The following ATP11A variants were observed in gnomAD, a reference collection of about 807,000 sequenced individuals.
The protein encoded by ATP11A is phospholipid-transporting ATPase IH.
A neutral mutation model predicts 154.4 loss-of-function variants in ATP11A; 81 were observed. The ratio of observed to expected loss-of-function variants is 0.52; its 90% CI spans 0.44 to 0.63. The LOEUF is 0.63. ATP11A is among the 30% of genes least tolerant of loss of function. ATP11A has a pLI of 0.00. For synonymous variants in ATP11A, 623 were observed against 585.9 expected (o/e 1.06, Z -0.91); for missense variants, 1,316 against 1,474.3 (o/e 0.89, Z 1.76).
At chr13:112,795,387 G>A (rs2140095309) in intron 2 of ATP11A, among the ~76,000 whole-genome samples, 1 of 152,314 alleles carries the variant, frequency 6.6e-6, no homozygotes, top group Admixed American at 6.5e-5. Flanking sequence ...CGTGTAACAT[G>A]GGAACTTTCA....
intron 5 of ATP11A, among the ~76,000 whole-genome samples, chr13:112,813,804 G>A (rs1431255696): frequency 3.3e-5 from 5 of 151,950 alleles, no homozygotes; most frequent in South Asian, 2.1e-4. Context: ...TGTCCCTGAC[G>A]GCTCTGTGGG....
intron 29 of ATP11A, among the ~76,000 whole-genome samples, chr13:112,879,837 G>A (rs750556571): frequency 2.6e-5 from 4 of 152,212 alleles, no homozygotes; most frequent in African/African-American, 7.2e-5. Flanking sequence ...CTGTTCCTAC[G>A]GAAAAGAAAA....
At chr13:112,877,479 C>T (rs1032903982) in intron 28 of ATP11A, among the ~76,000 whole-genome samples, 1 of 152,236 alleles carries the variant, frequency 6.6e-6, no homozygotes, top group African/African-American at 2.4e-5. Context: ...GGGGACGTGG[C>T]AGACACACAT....
chr13:112,733,050 C>T (rs904324252), intron 1 of ATP11A, among the ~76,000 whole-genome samples: 5 of 152,182 alleles, frequency 3.3e-5, no homozygotes, highest in African/African-American at 4.8e-5. Flanking sequence ...GATTTCTGTA[C>T]ATGTTTTTGT....
At chr13:112,809,523 C>T (rs1474539518) in intron 4 of ATP11A, among the ~76,000 whole-genome samples, 7 of 152,204 alleles carry the variant, frequency 4.6e-5, no homozygotes, top group African/African-American at 1.7e-4. Context: ...CACAGGCTTC[C>T]TGCCGCCATC....
chr13:112,876,066 A>G (rs1296255197), intron 28 of ATP11A, 125 bp downstream of exon 28: 4 of 1,080,868 alleles, frequency 3.7e-6, no homozygotes, highest in Non-Finnish European at 5.1e-6. Flanking sequence ...TTCAGGTATC[A>G]CTAATGAGTG....
chr13:112,859,306 C>A lies in ATP11A; in HGVS notation c.2668-87C>A. 1 of 1,055,430 alleles carries A rather than the reference C, an allele frequency of 9.5e-7. No individual in the cohort carries two copies. Among genetic ancestry groups the A allele is most frequent in the Non-Finnish European group, 1.5e-6 (1 of 671,238 alleles). 65.4% of individuals were successfully genotyped at this position (1,055,430 alleles called of 1,614,324 possible). ...CACGCTGGGTGCACGTGGATCCCTC[C>A]TCCCATGTGGGGTGGGCCACGTCGG... On this transcript the variant is annotated intron_variant, in intron 22 of 29. Transcript: ENST00000375645. This position sits in a 1 kb window ranked among gnomAD's most constrained non-coding sequence, Gnocchi z 4.3.
At chr13:112,879,902 C>A (rs1379640183) in intron 29 of ATP11A, among the ~76,000 whole-genome samples, 1 of 152,188 alleles carries the variant, frequency 6.6e-6, no homozygotes, top group African/African-American at 2.4e-5. Context: ...ACATATATGC[C>A]CGTGCTGGCA....
At chr13:112,749,172 C>T (rs1463211803) in intron 1 of ATP11A, among the ~76,000 whole-genome samples, 1 of 152,222 alleles carries the variant, frequency 6.6e-6, no homozygotes, top group Non-Finnish European at 1.5e-5. Flanking sequence ...ATGGATGCGC[C>T]TCCATCTCCG....
intron 1 of ATP11A, among the ~76,000 whole-genome samples, chr13:112,730,345 A>G (rs1445336275): frequency 6.6e-6 from 1 of 152,192 alleles, no homozygotes. Flanking sequence ...GAGGACGGGC[A>G]TTGATGAGGG....
Position 112,805,006 on chromosome 13 carries a change from G to A in ATP11A, c.212G>A (p.Arg71Lys). Residue 71 changes from arginine (R) to lysine (K), a missense_variant, in exon 3 of 30, where the codon AGA (arginine) becomes AAA (lysine). By Grantham distance (26) the Arg-to-Lys change is conservative (BLOSUM62 2). Coordinates refer to ENST00000375645, the MANE Select transcript of ATP11A (RefSeq NM_015205.3). Reference protein sequence around the residue: ...IPKNLFEQFRRVANFYFLIIF... With the variant: ...IPKNLFEQFRKVANFYFLIIF... ...AAGAATTTATTTGAACAATTCAGAA[G>A]AGTAGCCAACTTTTATTTCCTTATC... 6.2e-7 allele frequency: 1 copy of A among 1,612,404 alleles called. No homozygotes were observed. The highest frequency in any genetic ancestry group is 8.5e-7 in the Non-Finnish European group (1 of 1,179,424).
At chr13:112,752,955 C>T (rs567020358) in intron 1 of ATP11A, among the ~76,000 whole-genome samples, 1 of 152,284 alleles carries the variant, frequency 6.6e-6, no homozygotes, top group East Asian at 1.9e-4. Flanking sequence ...TGTATTCAAT[C>T]ACATATGCTA....
intron 1 of ATP11A, among the ~76,000 whole-genome samples, chr13:112,740,085 T>A (rs920595670): frequency 6.6e-6 from 1 of 151,798 alleles, no homozygotes; most frequent in African/African-American, 2.4e-5. Context: ...AAAAAACCAC[T>A]GAATTGTACA....
intron 2 of ATP11A, among the ~76,000 whole-genome samples, chr13:112,803,869 G>T (rs61275205): frequency 0.48 from 19,173 of 40,008 alleles, 4,024 homozygotes; most frequent in Middle Eastern, 0.56. Context: ...TTTCCTCCTT[G>T]CTTCCCTTCC....
At chr13:112,775,171 T>A (rs1170617077) in intron 1 of ATP11A, among the ~76,000 whole-genome samples, 1 of 152,272 alleles carries the variant, frequency 6.6e-6, no homozygotes, top group Non-Finnish European at 1.5e-5. Flanking sequence ...AGGCCCTTGA[T>A]GTGCAGGTGA....
intron 17 of ATP11A, among the ~76,000 whole-genome samples, chr13:112,847,616 A>T (rs912605963): frequency 6.6e-6 from 1 of 151,956 alleles, no homozygotes; most frequent in Non-Finnish European, 1.5e-5. Context: ...CATTTTCTCT[A>T]TGTCTGTCTT....
intron 1 of ATP11A, among the ~76,000 whole-genome samples, chr13:112,702,345 CA>C (rs35687422): frequency 2.5e-4 from 30 of 121,732 alleles, no homozygotes; most frequent in African/African-American, 7.3e-4. Flanking sequence ...GATTCTGTCT[CA>C]AAAAAAAAAA....
rs1324087080 is a variant in ATP11A at position 112,807,869 on chromosome 13, C to CTG, written c.333+1577_333+1578dup. 1.3e-5 allele frequency among the ~76,000 whole-genome samples: 2 copies of CTG among 152,146 alleles called. No homozygotes were observed. The highest frequency in any genetic ancestry group is 2.9e-5 in the Non-Finnish European group (2 of 68,020). ...GGGCGCGGGGGTGCAGAACAAGGGG[C>CTG]TGAGGCTCTATGGCTCTGTTCTTTC... On this transcript the variant is annotated intron_variant, in intron 4 of 29. Transcript: ENST00000375645. The surrounding 1 kb of genome is among the most constrained non-coding windows in gnomAD (Gnocchi z 4.5).
chr13:112,794,831 G>A (rs1227079601), intron 2 of ATP11A, among the ~76,000 whole-genome samples: 2 of 151,984 alleles, frequency 1.3e-5, no homozygotes, highest in Non-Finnish European at 2.9e-5. Context: ...TTGTGCCAAC[G>A]CACTCCAGCC....
Sources: gnomAD v4.1 joint callset for allele counts (sites outside exome capture counted in the v4.1 genomes callset) on GRCh38, gnomAD v4.1.1 for gene constraint, Gnocchi (gnomAD v3.1) non-coding constraint, MANE v1.5 for transcripts, NCBI Gene and HGNC (gene_info 2026-07-23, HGNC 2026-07-21) for gene names.